The following DTD1 variants were observed in gnomAD, a reference collection of about 807,000 sequenced individuals.
DTD1 encodes the protein D-tyrosyl-tRNA deacylase 1 homolog.
A neutral mutation model predicts 25.6 loss-of-function variants in DTD1; 13 were observed. The ratio of observed to expected loss-of-function variants is 0.51; its 90% CI spans 0.33 to 0.81. DTD1 has a LOEUF of 0.81. DTD1 is among the 30% of genes least tolerant of loss of function. DTD1 has a pLI of 0.02. For missense variants in DTD1, 193 were observed against 266.4 expected, an observed-to-expected ratio of 0.72 and a Z score of 1.92; for synonymous variants, 110 against 103.6, an observed-to-expected ratio of 1.06 and a Z score of -0.37.
At chr20:18,743,794 G>C (rs187278428) in intron 4 of DTD1, among the ~76,000 whole-genome samples, 107 of 152,202 alleles carry the variant, frequency 7.0e-4, no homozygotes, top group Admixed American at 6.9e-3. Flanking sequence ...CATATATGGA[G>C]CTCTTCTAAG....
chr20:18,612,033 GT>G (rs57848248), intron 3 of DTD1, among the ~76,000 whole-genome samples: 38,657 of 96,368 alleles, frequency 0.4, 5,704 homozygotes, highest in East Asian at 0.51. Context: ...TAATTTTTGT[GT>G]TTTTTTTTTT....
Position 18,620,401 on chromosome 20 carries a change from A to G in DTD1, c.371-7726A>G, listed in dbSNP as rs145260424. On this transcript the variant is annotated intron_variant, in intron 3 of 5. Coordinates refer to ENST00000377452, the MANE Select transcript of DTD1 (RefSeq NM_080820.6). ...TAATTTCACTTCCTAACCCCAACCT[A>G]TGCCACTGTGGGCTTACCTATCTCA... 4.6e-4 allele frequency among the ~76,000 whole-genome samples: 70 copies of G among 152,244 alleles called. No homozygotes were observed. The East Asian group carries it at 4.8e-3, about 10-fold the overall frequency.
chr20:18,722,932 A>G (rs2061210062), intron 4 of DTD1, among the ~76,000 whole-genome samples: 1 of 152,256 alleles, frequency 6.6e-6, no homozygotes, highest in Non-Finnish European at 1.5e-5. Flanking sequence ...AGTCAGCACC[A>G]TAAGAGAGGG....
rs766892869 is a variant in DTD1, at chr20:18,593,840, A to T, written c.134+19A>T. The T allele has an allele frequency of 4.4e-6, 7 of 1,603,866 alleles. No homozygotes were observed. The highest frequency in any genetic ancestry group is 1.3e-5 in the African/African-American group (1 of 74,718). ...AACACATGTAAGATGCATTTCTGTCATTGCTGTTTGAGTGGGCTATGTGGT... is the reference window on the plus strand; with the variant it reads ...AACACATGTAAGATGCATTTCTGTCTTTGCTGTTTGAGTGGGCTATGTGGT... On this transcript the variant is annotated intron_variant, in intron 2 of 5. Transcript: ENST00000377452.
intron 4 of DTD1, among the ~76,000 whole-genome samples, chr20:18,730,391 A>AT (rs200159531): frequency 6.6e-6 from 1 of 152,340 alleles, no homozygotes; most frequent in East Asian, 1.9e-4. Flanking sequence ...GCCAAATTGC[A>AT]TTCCCAAGGC....
At chr20:18,760,568 A>T (rs879281750) in intron 5 of DTD1, among the ~76,000 whole-genome samples, 1 of 152,154 alleles carries the variant, frequency 6.6e-6, no homozygotes, top group Non-Finnish European at 1.5e-5. Context: ...TGAACAGCAA[A>T]TGTTGCTGCC....
At chr20:18,616,541 A>G (rs1448315923) in intron 3 of DTD1, among the ~76,000 whole-genome samples, 1 of 152,008 alleles carries the variant, frequency 6.6e-6, no homozygotes, top group African/African-American at 2.4e-5. Flanking sequence ...TAATCCCAGC[A>G]CTTTGGGAGG....
At chr20:18,617,860 A>G (rs2060715354) in intron 3 of DTD1, among the ~76,000 whole-genome samples, 1 of 152,164 alleles carries the variant, frequency 6.6e-6, no homozygotes, top group Admixed American at 6.6e-5. Context: ...TTTTCATACC[A>G]GTTCATAGAG....
Position 18,593,749 on chromosome 20 carries a change from G to T in DTD1, c.62G>T (p.Ser21Ile). 1 of 1,613,984 alleles carries T rather than the reference G, an allele frequency of 6.2e-7. No homozygotes were observed. The highest frequency in any genetic ancestry group is 8.5e-7 in the Non-Finnish European group (1 of 1,179,902). Residue 21 changes from serine (S) to isoleucine (I), a missense_variant, in exon 2 of 6, where the codon AGT (serine) becomes ATT (isoleucine). Transcript: ENST00000377452. ...ASVTVGGEQI[S>I]AIGRGICVLL... ...TTTCTAGTTGGAGGAGAGCAGATTAGTGCCATTGGAAGGGGCATATGTGTG... is the reference window on the plus strand; with the variant it reads ...TTTCTAGTTGGAGGAGAGCAGATTATTGCCATTGGAAGGGGCATATGTGTG...
At chr20:18,740,707 C>T (rs6035112) in intron 4 of DTD1, among the ~76,000 whole-genome samples, 72,083 of 152,054 alleles carry the variant, frequency 0.47, 17,858 homozygotes, top group East Asian at 0.6. Context: ...AACTTACCAT[C>T]TTAACCATTT....
chr20:18,707,420 C>T (rs2061130950), intron 4 of DTD1, among the ~76,000 whole-genome samples: 2 of 152,164 alleles, frequency 1.3e-5, no homozygotes, highest in Admixed American at 1.3e-4. Context: ...CTGGGACTCA[C>T]CCTGCGTGCT....
At chr20:18,751,374 TTACCTG>T (rs778117709) in intron 5 of DTD1, among the ~76,000 whole-genome samples, 6 of 152,318 alleles carry the variant, frequency 3.9e-5, no homozygotes, top group Non-Finnish European at 8.8e-5. Context: ...CTCTACCACT[TTACCTG>T]TAACAGGCAC....
At chr20:18,761,201 G>T (rs574877681) in intron 5 of DTD1, among the ~76,000 whole-genome samples, 13 of 151,904 alleles carry the variant, frequency 8.6e-5, no homozygotes, top group Admixed American at 4.6e-4. Context: ...GCGATGCCTC[G>T]CCCTGCTCGG....
rs928342869 is a variant in DTD1, at chr20:18,727,887, C to T, written c.478-16213C>T. Among the ~76,000 whole-genome samples, 4 of 152,328 alleles carry T rather than the reference C, an allele frequency of 2.6e-5. No homozygotes were observed. The East Asian group carries it at 7.7e-4, about 29-fold the overall frequency. Reference sequence around the variant, plus strand: ...GTGGATATAGCACACTTCACTCACCCACCTAGCGGTGGATGGGCATTTGTG... The same window carrying T: ...GTGGATATAGCACACTTCACTCACCTACCTAGCGGTGGATGGGCATTTGTG... On this transcript the variant is annotated intron_variant, in intron 4 of 5. Coordinates refer to ENST00000377452, the MANE Select transcript of DTD1 (RefSeq NM_080820.6).
intron 4 of DTD1, among the ~76,000 whole-genome samples, chr20:18,674,167 A>G (rs2060960998): frequency 6.6e-6 from 1 of 152,196 alleles, no homozygotes; most frequent in Non-Finnish European, 1.5e-5. Context: ...CATTCTGAGC[A>G]ATAATAATTT....
intron 5 of DTD1, among the ~76,000 whole-genome samples, chr20:18,746,976 G>T (rs2061302680): frequency 6.6e-6 from 1 of 152,108 alleles, no homozygotes; most frequent in Non-Finnish European, 1.5e-5. Context: ...GACACTGAAG[G>T]GTGCCTCGAA....
At chr20:18,715,847 T>A (rs1281791141) in intron 4 of DTD1, among the ~76,000 whole-genome samples, 1 of 152,180 alleles carries the variant, frequency 6.6e-6, no homozygotes, top group Non-Finnish European at 1.5e-5. Context: ...CCTGCGCTGC[T>A]TTATCTCGGG....
At chr20:18,736,285 C>A (rs779231559) in intron 4 of DTD1, among the ~76,000 whole-genome samples, 2 of 152,160 alleles carry the variant, frequency 1.3e-5, no homozygotes, top group Non-Finnish European at 2.9e-5. Context: ...TTGCAGGCAG[C>A]TCACCTTGTC....
At chr20:18,737,168 TTGCCTGTG>T (rs1337737801) in intron 4 of DTD1, among the ~76,000 whole-genome samples, 1 of 152,254 alleles carries the variant, frequency 6.6e-6, no homozygotes, top group Non-Finnish European at 1.5e-5. Flanking sequence ...TCTTCTGCCT[TTGCCTGTG>T]TGGCCCTAAC....
Sources: gnomAD v4.1 joint callset for allele counts (sites outside exome capture counted in the v4.1 genomes callset) on GRCh38, gnomAD v4.1.1 for gene constraint, MANE v1.5 for transcripts, NCBI Gene and HGNC (gene_info 2026-07-23, HGNC 2026-07-21) for gene names.